Variants in CTNNA3 observed in about 807,000 individuals in gnomAD.
The protein encoded by CTNNA3 is catenin alpha 3.
A neutral mutation model predicts 95.7 loss-of-function variants in CTNNA3; 76 were observed. That is an observed-to-expected ratio of 0.79 (90% confidence interval 0.66 to 0.96). The LOEUF (loss-of-function observed/expected upper bound fraction) is 0.96, where lower values mean the gene tolerates loss of function less well. Among genes scored for constraint, CTNNA3 ranks in the 40% least tolerant of loss-of-function variants. The pLI is 0.00. For missense variants in CTNNA3, 1,191 were observed against 1,089.8 expected (o/e 1.09, Z -1.31); for synonymous variants, 431 against 374.4 (o/e 1.15, Z -1.74).
chr10:67,118,840 A>G (rs1859323703), intron 7 of CTNNA3, among the ~76,000 whole-genome samples: 1 of 151,968 alleles, frequency 6.6e-6, no homozygotes, highest in African/African-American at 2.4e-5. Flanking sequence ...AATTTGAAAT[A>G]TATGAAAATT....
At chr10:66,444,527 C>G (rs2093402882) in intron 11 of CTNNA3, among the ~76,000 whole-genome samples, 1 of 151,852 alleles carries the variant, frequency 6.6e-6, no homozygotes, top group Admixed American at 6.6e-5. Flanking sequence ...ATTTCACATT[C>G]TTAAAGAAAA....
intron 5 of CTNNA3, among the ~76,000 whole-genome samples, chr10:67,354,121 G>A (rs1286507410): frequency 6.6e-6 from 1 of 151,974 alleles, no homozygotes; most frequent in East Asian, 1.9e-4. Context: ...CAAAAGTCTT[G>A]CTTTCTGAGC....
At chr10:67,353,780 T>C (rs532536987) in intron 5 of CTNNA3, among the ~76,000 whole-genome samples, 16 of 152,080 alleles carry the variant, frequency 1.1e-4, no homozygotes, top group African/African-American at 3.6e-4. Context: ...AGTAGATGAA[T>C]GTGTGAGTGA....
At chr10:66,668,986 A>G (rs1846561758) in intron 9 of CTNNA3, among the ~76,000 whole-genome samples, 1 of 152,096 alleles carries the variant, frequency 6.6e-6, no homozygotes, top group South Asian at 2.1e-4. Flanking sequence ...TGATGGTGGT[A>G]TATTTTTATA....
intron 5 of CTNNA3, among the ~76,000 whole-genome samples, chr10:67,351,212 T>C (rs1842625917): frequency 6.6e-6 from 1 of 151,818 alleles, no homozygotes; most frequent in South Asian, 2.1e-4. Flanking sequence ...ATGGGGAAGA[T>C]TTGACTTCAA....
chr10:67,093,070 G>T (rs947824205), intron 7 of CTNNA3, among the ~76,000 whole-genome samples: 1 of 152,094 alleles, frequency 6.6e-6, no homozygotes, highest in African/African-American at 2.4e-5. Flanking sequence ...AGGATTAAAA[G>T]AAACCAGAAG....
At chr10:67,282,620 ACG>A (rs1203120270) in intron 5 of CTNNA3, among the ~76,000 whole-genome samples, 1 of 152,196 alleles carries the variant, frequency 6.6e-6, no homozygotes, top group African/African-American at 2.4e-5. Flanking sequence ...AAAGCAATAA[ACG>A]CAGTTTTACA....
At chr10:67,423,882 A>G (rs1198450701) in intron 5 of CTNNA3, among the ~76,000 whole-genome samples, 1 of 152,122 alleles carries the variant, frequency 6.6e-6, no homozygotes, top group Non-Finnish European at 1.5e-5. Context: ...TGTTATCAAA[A>G]ACGAAAGTGC....
At chr10:66,420,358 A>AT (rs942269043) in intron 11 of CTNNA3, among the ~76,000 whole-genome samples, 1 of 152,076 alleles carries the variant, frequency 6.6e-6, no homozygotes, top group African/African-American at 2.4e-5. Flanking sequence ...TAGGATGGCT[A>AT]TTTTTTTATT....
At chr10:66,851,895 T>A (rs1441014751) in intron 7 of CTNNA3, among the ~76,000 whole-genome samples, 1 of 152,112 alleles carries the variant, frequency 6.6e-6, no homozygotes, top group African/African-American at 2.4e-5. Flanking sequence ...ATAGATACAT[T>A]TACTGACTGC....
In CTNNA3 at chr10:67,359,494, G is replaced by A. The variant is rs977567364; in HGVS notation, c.580-139624C>T. ...GCCAATCCAAGGAAGCAAGTAAAACGATCTAAGAGTTGAAAGATGACATAG... is the reference window on the plus strand; with the variant it reads ...GCCAATCCAAGGAAGCAAGTAAAACAATCTAAGAGTTGAAAGATGACATAG... On this transcript the variant is annotated intron_variant, in intron 5 of 17. Coordinates refer to ENST00000433211, the MANE Select transcript of CTNNA3 (RefSeq NM_013266.4). 3.9e-5 allele frequency among the ~76,000 whole-genome samples: 6 copies of A among 152,166 alleles called. No homozygotes were observed. In the East Asian group the frequency reaches 5.8e-4, roughly 15 times the overall value.
At chr10:67,278,752 A>G (rs1445493907) in intron 5 of CTNNA3, among the ~76,000 whole-genome samples, 3 of 152,186 alleles carry the variant, frequency 2.0e-5, no homozygotes, top group African/African-American at 7.2e-5. Context: ...TTCCCACAAG[A>G]GTCTTTGCAG....
rs12572488 is a variant in CTNNA3, at chr10:67,295,280, A to T, written c.580-75410T>A. Among the ~76,000 whole-genome samples, 1,249 of 152,348 alleles carry T rather than the reference A, an allele frequency of 8.2e-3. 29 individuals carry two copies. Among genetic ancestry groups the T allele is most frequent in the East Asian group, 0.075 (387 of 5,186 alleles). On this transcript the variant is annotated intron_variant, in intron 5 of 17. Transcript: ENST00000433211. ...AATACTCAAAAGAAAATTCTTTCTT[A>T]AAGGTCTCAGAAAGAAAGCAGGATT...
At chr10:67,635,192 CA>C (rs1019220713) in intron 2 of CTNNA3, among the ~76,000 whole-genome samples, 8 of 151,198 alleles carry the variant, frequency 5.3e-5, no homozygotes, top group Non-Finnish European at 1.0e-4. Context: ...GCCTACCAAC[CA>C]AAAAAAAGGC....
chr10:66,429,456 G>C (rs561922288), intron 11 of CTNNA3, among the ~76,000 whole-genome samples: 1 of 152,024 alleles, frequency 6.6e-6, no homozygotes, highest in African/African-American at 2.4e-5. Context: ...GCAAAAAAGA[G>C]AATTTTAGAC....
rs149009938 is a variant in CTNNA3, at chr10:67,705,014, A to T, written c.-1-57500T>A. On this transcript the variant is annotated intron_variant, in intron 1 of 17. Coordinates refer to the CTNNA3 transcript ENST00000684154. Reference sequence around the variant, plus strand: ...AAAGAAGACACTTATGCAGCCAAAAAACACATGAAAAAATGGTCACCATCA... The same window carrying T: ...AAAGAAGACACTTATGCAGCCAAAATACACATGAAAAAATGGTCACCATCA... Among the ~76,000 whole-genome samples the T allele has an allele frequency of 9.0e-3, 1,375 of 152,330 alleles. 22 individuals are homozygous for T. Among genetic ancestry groups the T allele is most frequent in the African/African-American group, 0.032 (1,317 of 41,572 alleles).
intron 17 of CTNNA3, among the ~76,000 whole-genome samples, chr10:65,965,099 C>T (rs1480845891): frequency 6.6e-6 from 1 of 152,144 alleles, no homozygotes; most frequent in Admixed American, 6.5e-5. Flanking sequence ...TTTTCCCCCT[C>T]TAACAACCAC....
At chr10:66,532,466 A>G in intron 10 of CTNNA3, among the ~76,000 whole-genome samples, 1 of 106,604 alleles carries the variant, frequency 9.4e-6, no homozygotes, top group East Asian at 2.0e-4. Context: ...CGTCTCAAAA[A>G]GAAAAAAAAA....
intron 15 of CTNNA3, among the ~76,000 whole-genome samples, chr10:66,040,414 G>A (rs7074982): frequency 0.44 from 66,892 of 151,670 alleles, 15,128 homozygotes; most frequent in Admixed American, 0.55. Context: ...CTATTGTAAA[G>A]ATAGATGCAC....
Sources: allele counts gnomAD v4.1 joint callset (sites outside exome capture counted in the v4.1 genomes callset), GRCh38; gene constraint gnomAD v4.1.1; transcripts MANE v1.5; gene names NCBI Gene and HGNC (gene_info 2026-07-23, HGNC 2026-07-21).